SLC24A5: variants seen among roughly 807,000 people sequenced by gnomAD.
SLC24A5 encodes the protein solute carrier family 24 member 5.
Under a neutral mutation model 51.6 loss-of-function variants are expected in SLC24A5, and 46 were observed. The ratio of observed to expected loss-of-function variants is 0.89; its 90% confidence interval spans 0.70 to 1.14. The LOEUF (loss-of-function observed/expected upper bound fraction) is 1.14, where lower values mean the gene tolerates loss of function less well. Ranked by LOEUF, SLC24A5 falls within the 50% of genes most tolerant of loss-of-function variation. The pLI, the probability that SLC24A5 is intolerant of heterozygous loss-of-function variation, is 0.00. For missense variants in SLC24A5, 581 were observed against 604.1 expected (o/e 0.96, Z 0.40); for synonymous variants, 230 against 214.9 (o/e 1.07, Z -0.62).
intron 1 of SLC24A5, among the ~76,000 whole-genome samples, 181 bp from the exon 2 acceptor site, chr15:48,121,675 CA>C (rs1333768519): frequency 6.6e-6 from 1 of 152,012 alleles, no homozygotes; most frequent in Non-Finnish European, 1.5e-5. Context: ...TTCAGTCCCC[CA>C]AAAAAATTTT....
At chr15:48,125,309 TTTCAC>T (rs1254608458) in intron 2 of SLC24A5, among the ~76,000 whole-genome samples, 1 of 150,386 alleles carries the variant, frequency 6.6e-6, no homozygotes, top group Non-Finnish European at 1.5e-5. Flanking sequence ...ATATATATGG[TTTCAC>T]TTAGTCTTCC....
intron 2 of SLC24A5, among the ~76,000 whole-genome samples, chr15:48,128,274 TA>T (rs1428736222): frequency 4.6e-5 from 7 of 151,632 alleles, no homozygotes; most frequent in African/African-American, 7.2e-5. Flanking sequence ...TATGAAACTT[TA>T]AAAAAAAATT....
intron 5 of SLC24A5, chr15:48,135,666 A>G (rs1204976247): frequency 6.6e-6 from 1 of 151,924 alleles, no homozygotes; most frequent in Non-Finnish European, 1.5e-5. Context: ...ACAGCTACAC[A>G]GGTTATATAC....
intron 2 of SLC24A5, among the ~76,000 whole-genome samples, chr15:48,126,082 CTT>C (rs929921772): frequency 2.6e-5 from 4 of 152,314 alleles, no homozygotes; most frequent in African/African-American, 9.6e-5. Flanking sequence ...AACCAGTGCT[CTT>C]TCTCTTTTGG....
At chr15:48,138,872 T>C in intron 6 of SLC24A5, 97 bp from the exon 7 acceptor site, 2 of 886,180 alleles carry the variant, frequency 2.3e-6, no homozygotes. Context: ...TAAAAACTGA[T>C]ACAGCTAATT....
At position 48,121,244 on chromosome 15, in the gene SLC24A5, A is replaced by G. The variant is rs1489008058; in HGVS notation, c.121+79A>G. 4.0e-5 allele frequency: 59 copies of G among 1,459,222 alleles called. 1 individual carries two copies. The highest frequency in any genetic ancestry group is 5.7e-5 in the African/African-American group (4 of 70,500). 90.4% of individuals were successfully genotyped at this position (1,459,222 alleles called of 1,614,324 possible). On this transcript the variant is annotated intron_variant, in intron 1 of 8. Transcript: ENST00000341459. Reference sequence around the variant, plus strand: ...ACCACATACAGATGAAGGGACAAAAAGAGGAAAATTCTCAATGGGCTCACT... The same window carrying G: ...ACCACATACAGATGAAGGGACAAAAGGAGGAAAATTCTCAATGGGCTCACT...
intron 6 of SLC24A5, 73 bp from the exon 7 acceptor site, chr15:48,138,896 C>T: frequency 1.8e-6 from 2 of 1,123,514 alleles, no homozygotes; most frequent in South Asian, 3.0e-5. Flanking sequence ...TTCAATATAA[C>T]TTTCTAAATA....
chr15:48,129,292 A>G (rs2140716313), intron 2 of SLC24A5, among the ~76,000 whole-genome samples: 1 of 152,260 alleles, frequency 6.6e-6, no homozygotes, highest in Middle Eastern at 3.4e-3. Flanking sequence ...GACTCTCAGT[A>G]ACTATTTTTC....
rs769822996 is a variant in SLC24A5 at position 48,136,887 on chromosome 15, T to C, written c.795T>C (p.Asp265=). 7.4e-6 allele frequency: 12 copies of C among 1,613,688 alleles called. No individual in the cohort carries two copies. The Admixed American group carries it at 1.5e-4, about 20-fold the overall frequency. The part of the protein sequence containing the change: ...QPFIRRQSRT[D]SGIFYEDSGY... ...TCATTCGTCGGCAATCAAGAACTGA[T>C]AGTGGAATATTTTATGAAGATTCTG... The change falls in exon 6 of 9, where the codon GAT becomes GAC. Residue 265 remains aspartate, a synonymous_variant. Coordinates refer to ENST00000341459, the MANE Select transcript of SLC24A5 (RefSeq NM_205850.3).
chr15:48,133,301 T>C (rs2038815640), intron 2 of SLC24A5, among the ~76,000 whole-genome samples: 1 of 152,178 alleles, frequency 6.6e-6, no homozygotes, highest in South Asian at 2.1e-4. Flanking sequence ...GCTACCTCTA[T>C]TAGCTAGTTT....
Position 48,121,035 on chromosome 15 carries a change from C to T in SLC24A5, c.-10C>T, listed in dbSNP as rs1396293255. ...CTGAAGCTGCACGCTGCAGTAAGAG[C>T]ACAGCAGAAATGCAGACAAAAGGGG... On this transcript the variant is annotated 5_prime_UTR_variant, in exon 1 of 9. Coordinates refer to ENST00000341459, the MANE Select transcript of SLC24A5 (RefSeq NM_205850.3). 1 of 1,612,622 alleles carries T rather than the reference C, an allele frequency of 6.2e-7. No individual in the cohort carries two copies. Among genetic ancestry groups the T allele is most frequent in the Admixed American group, 1.7e-5 (1 of 59,828 alleles).
intron 2 of SLC24A5, 148 bp from the exon 3 acceptor site, chr15:48,134,110 C>G: frequency 1.5e-6 from 1 of 684,236 alleles, no homozygotes; most frequent in Non-Finnish European, 2.5e-6. Flanking sequence ...AGAAGCAAAA[C>G]ATTGGACTCT....
chr15:48,132,936 A>C (rs1438374890), intron 2 of SLC24A5, among the ~76,000 whole-genome samples: 3 of 152,148 alleles, frequency 2.0e-5, no homozygotes, highest in South Asian at 4.1e-4. Flanking sequence ...TACGTGGAGC[A>C]GAAAAATACC....
intron 2 of SLC24A5, among the ~76,000 whole-genome samples, chr15:48,132,388 G>C (rs1298684406): frequency 6.6e-6 from 1 of 151,746 alleles, no homozygotes; most frequent in East Asian, 1.9e-4. Flanking sequence ...TACCTATTTT[G>C]CTTATCTTAT....
At chr15:48,130,623 GTTCT>G (rs1255610958) in intron 2 of SLC24A5, among the ~76,000 whole-genome samples, 12 of 152,184 alleles carry the variant, frequency 7.9e-5, no homozygotes, top group Non-Finnish European at 1.2e-4. Context: ...AAGGCATTCT[GTTCT>G]TTTTCAATTT....
chr15:48,135,335 C>T (rs764387259), intron 5 of SLC24A5: 10 of 182,996 alleles, frequency 5.5e-5, no homozygotes, highest in Non-Finnish European at 1.2e-4. Flanking sequence ...CTCACCTTGC[C>T]TTGGTTAGAA....
chr15:48,126,321 T>C (rs999073511), intron 2 of SLC24A5, among the ~76,000 whole-genome samples: 8 of 152,236 alleles, frequency 5.3e-5, no homozygotes, highest in Non-Finnish European at 1.0e-4. Flanking sequence ...ATGCTGTTGC[T>C]ATGCCCCCTT....
chr15:48,141,979 AAAACAC>A, intron 8 of SLC24A5, 44 bp from the exon 9 acceptor site: 5 of 1,299,306 alleles, frequency 3.8e-6, no homozygotes, highest in Non-Finnish European at 5.2e-6. Flanking sequence ...GATTATTAAT[AAAACAC>A]AGTATTGGTA....
Position 48,142,219 on chromosome 15 carries a change from C to T in SLC24A5, c.1371C>T (p.His457=). The T allele has an allele frequency of 1.2e-6, 2 of 1,613,780 alleles. No individual in the cohort carries two copies. The highest frequency in any genetic ancestry group is 8.5e-7 in the Non-Finnish European group (1 of 1,179,848). ...TTATTTTTCTTTTTTTAGCAGTTCA[C>T]TTCAATGGCTGGAAACTAGACAGAA... ...ISIIFLFLAV[H]FNGWKLDRKL... Residue 457 remains histidine (H), a synonymous_variant, in exon 9 of 9, where the codon CAC becomes CAT. Coordinates refer to ENST00000341459, the MANE Select transcript of SLC24A5 (RefSeq NM_205850.3).
Sources: gnomAD v4.1 joint callset for allele counts (sites outside exome capture counted in the v4.1 genomes callset) on GRCh38, gnomAD v4.1.1 for gene constraint, MANE v1.5 for transcripts, NCBI Gene and HGNC (gene_info 2026-07-23, HGNC 2026-07-21) for gene names.